LIN9: variants seen among roughly 807,000 people sequenced by gnomAD.
The protein encoded by LIN9 is lin-9 DREAM MuvB core complex component.
LIN9 carries 18 observed loss-of-function variants against 78.0 expected under a neutral mutation model. That is an observed-to-expected ratio of 0.23 (90% CI 0.16 to 0.34). LIN9 has a LOEUF of 0.34. LIN9 is among the 10% of genes least tolerant of loss of function. LIN9 has a pLI of 1.00. For synonymous variants in LIN9, 192 were observed against 215.2 expected (o/e 0.89, Z 0.94); for missense variants, 451 against 644.1 (o/e 0.70, Z 3.25).
chr1:226,276,315 G>A (rs1028770602), intron 7 of LIN9, among the ~76,000 whole-genome samples: 2 of 152,146 alleles, frequency 1.3e-5, no homozygotes, highest in African/African-American at 4.8e-5. Flanking sequence ...CTTTATTGCT[G>A]TAGTTATTTA....
intron 1 of LIN9, among the ~76,000 whole-genome samples, chr1:226,304,688 G>A (rs542130894): frequency 1.3e-5 from 2 of 152,136 alleles, no homozygotes; most frequent in Non-Finnish European, 2.9e-5. Flanking sequence ...GAAGAAACAG[G>A]TTAAGTCCTA....
chr1:226,296,711 T>C (rs1662170523), intron 3 of LIN9, among the ~76,000 whole-genome samples: 1 of 152,120 alleles, frequency 6.6e-6, no homozygotes, highest in Admixed American at 6.5e-5. Flanking sequence ...CACTCGGGTC[T>C]ATGAACCCTT....
At chr1:226,288,957 T>C (rs1487723848) in intron 4 of LIN9, among the ~76,000 whole-genome samples, 2 of 152,098 alleles carry the variant, frequency 1.3e-5, no homozygotes, top group Non-Finnish European at 2.9e-5. Flanking sequence ...AAAAATCTTA[T>C]GCTGGGCGCA....
Position 226,231,964 on chromosome 1 carries a change from C to T in LIN9, c.*537G>A. The stretch of plus-strand genomic sequence containing the variant: ...ATATATAACATATACTTGTAAAGTC[C>T]ACATTTCCCATCTATATTTCAGTGG... On this transcript the variant is annotated 3_prime_UTR_variant, in exon 15 of 15. Coordinates refer to ENST00000681046, the MANE Select transcript of LIN9 (RefSeq NM_001366245.2). 1 of 393,076 alleles carries T rather than the reference C, an allele frequency of 2.5e-6. No individual in the cohort carries two copies. Among genetic ancestry groups the T allele is most frequent in the Non-Finnish European group, 4.5e-6 (1 of 223,228 alleles). The allele number at this position is 393,076 out of a possible 1,614,324, so 24.3% of individuals were successfully genotyped here.
rs1388077437 is a variant in LIN9, at chr1:226,232,852, A to G, written c.1523+244T>C. On this transcript the variant is annotated intron_variant, in intron 14 of 14. Transcript: ENST00000681046. The stretch of plus-strand genomic sequence containing the variant: ...GTCTCTCACTGACTGGGGAAGCTCT[A>G]CCTCTAAGCTCAACCTCCATGCTGA... 80 of 490,064 alleles carry G rather than the reference A, an allele frequency of 1.6e-4. No homozygotes were observed. In the East Asian group the frequency reaches 1.8e-3, roughly 11 times the overall value. 30.4% of individuals were successfully genotyped at this position (490,064 alleles called of 1,614,324 possible).
At chr1:226,272,650 T>G (rs563014957) in intron 7 of LIN9, among the ~76,000 whole-genome samples, 32 of 151,550 alleles carry the variant, frequency 2.1e-4, no homozygotes, top group Middle Eastern at 3.4e-3. Flanking sequence ...TGACATAATG[T>G]CCCCTGGAAT....
At chr1:226,240,556 T>C (rs546842821) in intron 11 of LIN9, among the ~76,000 whole-genome samples, 4 of 152,218 alleles carry the variant, frequency 2.6e-5, no homozygotes, top group South Asian at 2.1e-4. Flanking sequence ...ACCTGGCTAA[T>C]TGTTGTACTT....
At chr1:226,267,165 T>C (rs1258149918) in intron 8 of LIN9, among the ~76,000 whole-genome samples, 1 of 151,242 alleles carries the variant, frequency 6.6e-6, no homozygotes, top group African/African-American at 2.4e-5. Flanking sequence ...CTACATTTAG[T>C]TCTAATTTTC....
chr1:226,267,230 G>GATATATATAT (rs4012808), intron 8 of LIN9, among the ~76,000 whole-genome samples: 26 of 137,696 alleles, frequency 1.9e-4, no homozygotes, highest in East Asian at 6.3e-4. Context: ...GCACTAAGGA[G>GATATATATAT]ATATATATAT....
At chr1:226,240,950 C>A (rs1340645185) in intron 11 of LIN9, among the ~76,000 whole-genome samples, 1 of 152,160 alleles carries the variant, frequency 6.6e-6, no homozygotes, top group Non-Finnish European at 1.5e-5. Flanking sequence ...ATATGAGGCC[C>A]ATGTACCGCA....
chr1:226,242,943 G>C (rs544704313), intron 11 of LIN9, among the ~76,000 whole-genome samples: 2 of 152,244 alleles, frequency 1.3e-5, no homozygotes, highest in East Asian at 3.9e-4. Flanking sequence ...CTTTATGTAA[G>C]GATACAGTAT....
chr1:226,290,321 G>A (rs1243280446), intron 4 of LIN9, among the ~76,000 whole-genome samples: 1 of 150,830 alleles, frequency 6.6e-6, no homozygotes, highest in East Asian at 1.9e-4. Context: ...TAAAACAAGT[G>A]AGAGGCTATT....
At chr1:226,249,511 T>TA (rs144837942) in intron 11 of LIN9, among the ~76,000 whole-genome samples, 1,956 of 152,174 alleles carry the variant, frequency 0.013, 41 homozygotes, top group African/African-American at 0.044. Flanking sequence ...AATTTTTGGA[T>TA]AAAAAAAATT....
chr1:226,245,585 T>TA (rs2102854222), intron 11 of LIN9, among the ~76,000 whole-genome samples: 1 of 152,068 alleles, frequency 6.6e-6, no homozygotes, highest in African/African-American at 2.4e-5. Context: ...CTAATTTTTC[T>TA]AAAAAACAAA....
At chr1:226,290,432 C>G (rs1576346761) in intron 4 of LIN9, among the ~76,000 whole-genome samples, 1 of 152,006 alleles carries the variant, frequency 6.6e-6, no homozygotes, top group South Asian at 2.1e-4. Flanking sequence ...GCTCCACCTC[C>G]CGGGTTCACG....
Position 226,279,356 on chromosome 1 carries a change from G to A in LIN9, c.525-1424C>T, listed in dbSNP as rs571676528. Reference sequence around the variant, plus strand: ...ATGGTGTGCATCCAGCTACTTGGGAGGCTGAGGCCGGAGGATCATTTGAGC... The same window carrying A: ...ATGGTGTGCATCCAGCTACTTGGGAAGCTGAGGCCGGAGGATCATTTGAGC... On this transcript the variant is annotated intron_variant, in intron 6 of 14. Coordinates refer to ENST00000681046, the MANE Select transcript of LIN9 (RefSeq NM_001366245.2). Among the ~76,000 whole-genome samples the A allele has an allele frequency of 2.0e-5, 3 of 151,854 alleles. No individual in the cohort carries two copies. The East Asian group carries it at 5.8e-4, about 29-fold the overall frequency.
intron 11 of LIN9, 104 bp from the exon 12 acceptor site, chr1:226,239,200 G>T: frequency 8.6e-7 from 1 of 1,156,742 alleles, no homozygotes; most frequent in African/African-American, 1.6e-5. Context: ...CAAACTAAAG[G>T]TTATTAAATT....
intron 2 of LIN9, 60 bp from the exon 3 acceptor site, chr1:226,297,873 G>A (rs1558206562): frequency 1.2e-6 from 1 of 835,280 alleles, no homozygotes; most frequent in Non-Finnish European, 1.8e-6. Context: ...TTCATACCAT[G>A]AATACTGTTT....
At chr1:226,292,313 C>A (rs1661842089) in intron 4 of LIN9, among the ~76,000 whole-genome samples, 1 of 152,038 alleles carries the variant, frequency 6.6e-6, no homozygotes, top group Admixed American at 6.6e-5. Context: ...GGCGTGTGCA[C>A]CACACCCAGC....
Sources: gnomAD v4.1 joint callset for allele counts (sites outside exome capture counted in the v4.1 genomes callset) on GRCh38, gnomAD v4.1.1 for gene constraint, MANE v1.5 for transcripts, NCBI Gene and HGNC (gene_info 2026-07-23, HGNC 2026-07-21) for gene names.